The following CPAMD8 variants were observed in gnomAD, a reference collection of about 807,000 sequenced individuals.
CPAMD8 encodes the protein C3 and PZP like alpha-2-macroglobulin domain containing 8.
CPAMD8 carries 146 observed loss-of-function variants against 224.7 expected under a neutral mutation model. That is an observed-to-expected ratio of 0.65 (90% CI 0.57 to 0.75). The LOEUF is 0.75. Ranked by LOEUF, CPAMD8 falls within the 30% of genes least tolerant of loss-of-function variation. CPAMD8 has a pLI of 0.00. For missense variants in CPAMD8, 2,301 were observed against 2,537.5 expected (o/e 0.91, Z 2.00); for synonymous variants, 966 against 1,044.6 (o/e 0.92, Z 1.45).
intron 21 of CPAMD8, among the ~76,000 whole-genome samples, chr19:16,946,085 G>A (rs542613766): frequency 6.6e-6 from 1 of 151,990 alleles, no homozygotes; most frequent in Non-Finnish European, 1.5e-5. Flanking sequence ...GTTTGTATGT[G>A]TATATGCATG....
At chr19:17,004,760 G>C (rs2056437823) in intron 7 of CPAMD8, among the ~76,000 whole-genome samples, 1 of 151,996 alleles carries the variant, frequency 6.6e-6, no homozygotes, top group Admixed American at 6.6e-5. Flanking sequence ...CTGACACCTG[G>C]GGCCACGTGG....
intron 30 of CPAMD8, among the ~76,000 whole-genome samples, chr19:16,906,407 T>TTCC (rs2052515486): frequency 1.6e-3 from 109 of 69,822 alleles, no homozygotes; most frequent in African/African-American, 4.4e-3. Flanking sequence ...TCTTTCTTTC[T>TTCC]TTCCTTCCTT....
intron 3 of CPAMD8, among the ~76,000 whole-genome samples, chr19:17,019,881 T>C (rs577411332): frequency 1.3e-5 from 2 of 152,146 alleles, no homozygotes; most frequent in South Asian, 2.1e-4. Flanking sequence ...TTATTCATTT[T>C]TTACATCTCT....
chr19:16,947,055 AG>A lies in CPAMD8; in HGVS notation c.2662+18del. On this transcript the variant is annotated intron_variant, in intron 21 of 41. Transcript: ENST00000443236. ...TGGCCTGGAGAGGGGGGACACCCCAAGAACTGTGGGGTCCTCACCCGTGATG... is the reference window on the plus strand; with the variant it reads ...TGGCCTGGAGAGGGGGGACACCCCAAAACTGTGGGGTCCTCACCCGTGATG... 1 of 1,580,740 alleles carries A rather than the reference AG, an allele frequency of 6.3e-7. No individual in the cohort carries two copies. Among genetic ancestry groups the A allele is most frequent in the African/African-American group, 1.4e-5 (1 of 74,040 alleles).
In CPAMD8 at chr19:16,902,582, G is replaced by A. The variant is rs886546439; in HGVS notation, c.4685+67C>T. On this transcript the variant is annotated intron_variant, in intron 35 of 41. Transcript: ENST00000443236. ...GAGCCGGAAGCTCCTCCTGGTCCCA[G>A]GAGGCCATCCTCTCCGCACATTGCA... 6.1e-6 allele frequency: 6 copies of A among 984,028 alleles called. No individual in the cohort carries two copies. The Admixed American group carries it at 1.4e-4, about 23-fold the overall frequency. 61.0% of individuals were successfully genotyped at this position (984,028 alleles called of 1,614,324 possible). A position where few individuals can be genotyped will look rare whatever the true frequency, so the allele number is the denominator to read the frequency against.
At chr19:16,904,105 T>G in intron 32 of CPAMD8, 121 bp downstream of exon 32, 6 of 1,165,896 alleles carry the variant, frequency 5.1e-6, no homozygotes, top group Non-Finnish European at 7.2e-6. Flanking sequence ...CCTGCCCTCT[T>G]TGGGGCTCCA....
chr19:16,903,512 G>A (rs777444912), intron 34 of CPAMD8, 49 bp downstream of exon 34: 2 of 1,612,032 alleles, frequency 1.2e-6, no homozygotes, highest in Non-Finnish European at 1.7e-6. Context: ...GAGGGAATGG[G>A]GCACAGGAGG....
intron 7 of CPAMD8, among the ~76,000 whole-genome samples, chr19:17,008,217 G>C (rs765669802): frequency 6.6e-6 from 1 of 152,108 alleles, no homozygotes; most frequent in African/African-American, 2.4e-5. Context: ...TTCCACAAAG[G>C]TCTTGAGTTC....
intron 13 of CPAMD8, among the ~76,000 whole-genome samples, chr19:16,984,869 A>C (rs1021173248): frequency 2.0e-5 from 3 of 152,194 alleles, no homozygotes; most frequent in African/African-American, 7.2e-5. Flanking sequence ...ATGGGTGAGC[A>C]TGCACACACA....
At position 16,940,925 on chromosome 19, in the gene CPAMD8, G is replaced by A. The variant is rs771839198; in HGVS notation, c.2794-2479C>T. On this transcript the variant is annotated intron_variant, in intron 22 of 41. Coordinates refer to ENST00000443236, the MANE Select transcript of CPAMD8 (RefSeq NM_015692.5). ...GCAGGGCTAGGCCATTGTAACCCAC[G>A]GTAGTTTTTTGTTTTTTGTTTTTGA... 3.9e-5 allele frequency among the ~76,000 whole-genome samples: 6 copies of A among 152,084 alleles called. No homozygotes were observed. The South Asian group carries it at 8.3e-4, about 21-fold the overall frequency.
chr19:17,003,838 G>A (rs1001483128), intron 8 of CPAMD8, among the ~76,000 whole-genome samples: 7 of 149,878 alleles, frequency 4.7e-5, no homozygotes, highest in Non-Finnish European at 7.4e-5. Flanking sequence ...CAGCCATCAT[G>A]AGCCCTCAGT....
chr19:17,015,196 G>T (rs1418632490), intron 3 of CPAMD8, among the ~76,000 whole-genome samples: 1 of 152,066 alleles, frequency 6.6e-6, no homozygotes, highest in African/African-American at 2.4e-5. Context: ...GAGCTGAGAT[G>T]GTACAGCTGC....
intron 23 of CPAMD8, among the ~76,000 whole-genome samples, chr19:16,938,123 TCCTGTGTATTCATTCCCTGCGTATTC>T (rs1464893309): frequency 4.6e-5 from 7 of 152,150 alleles, no homozygotes; most frequent in Admixed American, 6.5e-5. Context: ...CAGTGCACAT[TCCTGTGTATTCATTCCCTGCGTATTC>T]CCTGTGTATT....
Position 16,896,588 on chromosome 19 carries a change from CGTG to C in CPAMD8, c.5140_5142del (p.His1714del), listed in dbSNP as rs2144684072. ...ACCGGGTTCCCCTGGGCGCCGCAGTCGTGGTCGCAGCCGCATCGCGCGATCGCC... is the reference window on the plus strand; with the variant it reads ...ACCGGGTTCCCCTGGGCGCCGCAGTCGTCGCAGCCGCATCGCGCGATCGCC... On this transcript the variant is annotated inframe_deletion, in exon 40 of 42. Transcript: ENST00000443236. 6.6e-7 allele frequency: 1 copy of C among 1,512,472 alleles called. No homozygotes were observed. Among genetic ancestry groups the C allele is most frequent in the East Asian group, 2.6e-5 (1 of 38,586 alleles). The allele number at this position is 1,512,472 out of a possible 1,614,324, so 93.7% of individuals were successfully genotyped here.
chr19:16,970,833 G>A, intron 18 of CPAMD8, 58 bp downstream of exon 18: 1 of 1,516,126 alleles, frequency 6.6e-7, no homozygotes, highest in Non-Finnish European at 9.1e-7. Context: ...ACAAAGACAA[G>A]CCCCAGATGT....
At chr19:16,995,401 G>A (rs538042028) in intron 11 of CPAMD8, among the ~76,000 whole-genome samples, 1 of 150,852 alleles carries the variant, frequency 6.6e-6, no homozygotes, top group Non-Finnish European at 1.5e-5. Context: ...TTTGTTTTTT[G>A]TTTTTTGTTT....
rs561989921 is a variant in CPAMD8 at position 17,013,933 on chromosome 19, T to C, written c.268-2176A>G. ...ACTACACATTCCCTCCCTCCCTCTC[T>C]CCCTCCCTCTCTCCCTCCCTTCCTT... is the stretch of plus-strand genomic sequence containing the variant. On this transcript the variant is annotated intron_variant, in intron 3 of 41. Transcript: ENST00000443236. Among the ~76,000 whole-genome samples the C allele has an allele frequency of 8.2e-4, 120 of 146,848 alleles. 1 individual carries two copies. The highest frequency in any genetic ancestry group is 2.9e-3 in the African/African-American group (117 of 39,804).
intron 1 of CPAMD8, among the ~76,000 whole-genome samples, chr19:17,025,795 C>T (rs1032724843): frequency 6.6e-6 from 1 of 152,176 alleles, no homozygotes. Flanking sequence ...ATGCTCAGAG[C>T]GCAGTAGACT....
rs751405638 is a variant in CPAMD8, at chr19:16,997,237, G to A, written c.969C>T (p.Thr323=). 11 of 1,555,588 alleles carry A rather than the reference G, an allele frequency of 7.1e-6. No individual in the cohort carries two copies. The South Asian group carries it at 1.0e-4, about 14-fold the overall frequency. ...CGACCTGCTGGCTCCCGTCCACACT[G>A]GTCACCATGGCCCAGATGCTGACCC... ...RGRVSIWAMV[T]SVDGSQQVAF... The change falls in exon 11 of 42, where the codon ACC becomes ACT. Residue 323 remains threonine (T), a synonymous_variant. Transcript: ENST00000443236.
Sources: gnomAD v4.1 joint callset for allele counts (sites outside exome capture counted in the v4.1 genomes callset) on GRCh38, gnomAD v4.1.1 for gene constraint, MANE v1.5 for transcripts, NCBI Gene and HGNC (gene_info 2026-07-23, HGNC 2026-07-21) for gene names.